Variants in AHSA1 observed in about 807,000 individuals in gnomAD.
The protein encoded by AHSA1 is activator of 90 kDa heat shock protein ATPase homolog 1.
In AHSA1, 14 loss-of-function variants were observed where a neutral mutation model predicts 46.1. The observed-to-expected ratio is 0.30, with a 90% CI of 0.20 to 0.47. AHSA1 has a LOEUF of 0.47. Ranked by LOEUF, AHSA1 falls within the 20% of genes least tolerant of loss-of-function variation. The probability of loss-of-function intolerance (pLI) is 0.99; values close to 1 mark genes in which losing one functional copy is unlikely to be tolerated. For missense variants in AHSA1, 333 were observed against 415.9 expected (o/e 0.80, Z 1.73); for synonymous variants, 147 against 145.8 (o/e 1.01, Z -0.06).
At chr14:77,463,482 A>T (rs2079034370) in intron 4 of AHSA1, among the ~76,000 whole-genome samples, 2 of 149,866 alleles carry the variant, frequency 1.3e-5, no homozygotes, top group Admixed American at 1.3e-4. Flanking sequence ...GCTACTCAAG[A>T]GGCTGAGGCA....
intron 3 of AHSA1, 142 bp downstream of exon 3, chr14:77,462,384 A>G (rs2079029435): frequency 1.2e-6 from 1 of 848,488 alleles, no homozygotes; most frequent in Non-Finnish European, 1.8e-6. Context: ...TTCTAGGCAT[A>G]TGGTGCCATT....
At chr14:77,462,097 A>G in intron 2 of AHSA1, 63 bp from the exon 3 acceptor site, 1 of 1,267,006 alleles carries the variant, frequency 7.9e-7, no homozygotes, top group Non-Finnish European at 1.1e-6. Flanking sequence ...AGCAGTTAGG[A>G]CCCTGGAGCA....
intron 5 of AHSA1, 93 bp from the exon 6 acceptor site, chr14:77,465,446 T>C (rs1273637079): frequency 4.2e-6 from 6 of 1,420,788 alleles, no homozygotes; most frequent in Non-Finnish European, 4.8e-6. Context: ...TGAACATTTT[T>C]ATGAGAATGA....
chr14:77,464,837 T>G (rs539300511), intron 5 of AHSA1, 151 bp downstream of exon 5: 1 of 648,178 alleles, frequency 1.5e-6, no homozygotes, highest in African/African-American at 1.8e-5. Flanking sequence ...GCCTGCAATA[T>G]GCATTCATTC....
rs763397235 is a variant in AHSA1 at position 77,468,464 on chromosome 14, A to G, written c.800A>G (p.Glu267Gly). 1.2e-6 allele frequency: 2 copies of G among 1,613,338 alleles called. No individual in the cohort carries two copies. The highest frequency in any genetic ancestry group is 1.7e-6 in the Non-Finnish European group (2 of 1,179,522). Residue 267 changes from glutamate (E) to glycine (G), a missense_variant, in exon 8 of 9, where the codon GAG becomes GGG. By Grantham distance (98) the Glu-to-Gly change is moderately conservative. Transcript: ENST00000216479. ...VSGEFTDLVP[E>G]KHIVMKWRFK... is the part of the protein sequence containing the mutation. Reference sequence around the variant, plus strand: ...GCTGTTTGATTATTTTAGGTCCCTGAGAAACATATTGTGATGAAGTGGAGG... The same window carrying G: ...GCTGTTTGATTATTTTAGGTCCCTGGGAAACATATTGTGATGAAGTGGAGG...
chr14:77,464,751 C>T, intron 5 of AHSA1, 65 bp downstream of exon 5: 1 of 1,389,670 alleles, frequency 7.2e-7, no homozygotes, highest in Non-Finnish European at 1.0e-6. Flanking sequence ...CTTCTTAATT[C>T]CACATATCAG....
intron 2 of AHSA1, among the ~76,000 whole-genome samples, chr14:77,461,482 A>G (rs2079024314): frequency 1.3e-5 from 2 of 152,212 alleles, no homozygotes; most frequent in South Asian, 4.1e-4. Context: ...ATGAGCCAAG[A>G]TCATGCCACT....
intron 8 of AHSA1, chr14:77,468,749 T>TAC (rs1209811160): frequency 4.3e-6 from 2 of 470,170 alleles, no homozygotes; most frequent in South Asian, 6.4e-5. Flanking sequence ...TTTTTTTACT[T>TAC]TTTTACTTTT....
intron 1 of AHSA1, 94 bp from the exon 2 acceptor site, chr14:77,459,522 A>G (rs745417451): frequency 5.2e-5 from 67 of 1,296,768 alleles, no homozygotes; most frequent in African/African-American, 7.4e-5. Context: ...TTTTCAAACT[A>G]TTTGTCAGGC....
chr14:77,466,052 G>A (rs531606834), intron 6 of AHSA1, among the ~76,000 whole-genome samples: 1 of 152,242 alleles, frequency 6.6e-6, no homozygotes, highest in East Asian at 1.9e-4. Flanking sequence ...AGATGGGCTG[G>A]TCTGAAACTC....
chr14:77,468,825 T>TC, intron 8 of AHSA1: 1 of 611,682 alleles, frequency 1.6e-6, no homozygotes. Flanking sequence ...CAAGTGATCC[T>TC]CCTGCCTCAG....
rs778315658 is a variant in AHSA1, at chr14:77,469,257, G to A, written c.*8G>A. ...GGCGCACGCTTATTTTAGGGCCAGC[G>A]GCAGGGGACTCCAGCCTGCTGGACA... On this transcript the variant is annotated 3_prime_UTR_variant, in exon 9 of 9. Coordinates refer to ENST00000216479, the MANE Select transcript of AHSA1 (RefSeq NM_012111.3). The A allele has an allele frequency of 9.3e-6, 15 of 1,613,140 alleles. No individual in the cohort carries two copies. Among genetic ancestry groups the A allele is most frequent in the African/African-American group, 4.0e-5 (3 of 74,894 alleles).
rs1343630387 is a variant in AHSA1, at chr14:77,465,672, G to A, written c.690+5G>A. 3.7e-6 allele frequency: 6 copies of A among 1,613,132 alleles called. No homozygotes were observed. The African/African-American group carries it at 6.7e-5, about 18-fold the overall frequency. ...AGAGTGTTTACCACCCAAGAGGTAAGTAAGTCTTGTCCTTCAGGCCTCATG... is the reference window on the plus strand; with the variant it reads ...AGAGTGTTTACCACCCAAGAGGTAAATAAGTCTTGTCCTTCAGGCCTCATG... On this transcript the variant is annotated splice_donor_5th_base_variant and intron_variant, in intron 6 of 8. Transcript: ENST00000216479.
chr14:77,459,165 T>C (rs1468524951), intron 1 of AHSA1, among the ~76,000 whole-genome samples: 1 of 152,206 alleles, frequency 6.6e-6, no homozygotes, highest in Admixed American at 6.5e-5. Context: ...AAGTTTATAA[T>C]GCAAGTGCGA....
intron 2 of AHSA1, among the ~76,000 whole-genome samples, chr14:77,460,999 A>G (rs1221099915): frequency 6.6e-6 from 1 of 151,662 alleles, no homozygotes; most frequent in Non-Finnish European, 1.5e-5. Flanking sequence ...CTCTACTAAA[A>G]ATACAAAAAA....
intron 3 of AHSA1, 180 bp downstream of exon 3, chr14:77,462,422 T>G: frequency 1.4e-6 from 1 of 722,124 alleles, no homozygotes; most frequent in Non-Finnish European, 2.3e-6. Context: ...TTTGCACTTC[T>G]TTAATTTCTT....
At chr14:77,459,547 T>C (rs2079011820) in intron 1 of AHSA1, 69 bp from the exon 2 acceptor site, 1 of 1,522,412 alleles carries the variant, frequency 6.6e-7, no homozygotes, top group South Asian at 1.1e-5. Context: ...TTTAACCTCG[T>C]ATTCTCTTGC....
intron 2 of AHSA1, among the ~76,000 whole-genome samples, chr14:77,460,996 A>G (rs768525644): frequency 9.0e-5 from 13 of 144,228 alleles, no homozygotes; most frequent in Non-Finnish European, 1.5e-4. Flanking sequence ...CGTCTCTACT[A>G]AAAATACAAA....
At chr14:77,462,418 C>T in intron 3 of AHSA1, 176 bp downstream of exon 3, 1 of 729,652 alleles carries the variant, frequency 1.4e-6, no homozygotes. Context: ...GCAATTTGCA[C>T]TTCTTTAATT....
Sources: allele counts gnomAD v4.1 joint callset (sites outside exome capture counted in the v4.1 genomes callset), GRCh38; gene constraint gnomAD v4.1.1; transcripts MANE v1.5; gene names NCBI Gene and HGNC (gene_info 2026-07-23, HGNC 2026-07-21).